PTPRT: variants seen among roughly 807,000 people sequenced by gnomAD.
PTPRT encodes the protein protein tyrosine phosphatase receptor type T.
A neutral mutation model predicts 176.8 loss-of-function variants in PTPRT; 56 were observed. The ratio of observed to expected loss-of-function variants is 0.32; its 90% confidence interval spans 0.26 to 0.40. PTPRT has a LOEUF of 0.40. Among genes scored for constraint, PTPRT ranks in the 10% least tolerant of loss-of-function variants. The probability of loss-of-function intolerance (pLI) is 1.00; values close to 1 mark genes in which losing one functional copy is unlikely to be tolerated. For missense variants in PTPRT, 1,540 were observed against 1,908.2 expected (o/e 0.81, Z 3.60); for synonymous variants, 783 against 739.0 (o/e 1.06, Z -0.96).
intron 12 of PTPRT, among the ~76,000 whole-genome samples, chr20:42,292,068 T>C (rs2057325049): frequency 6.6e-6 from 1 of 152,064 alleles, no homozygotes; most frequent in Non-Finnish European, 1.5e-5. Context: ...TCCCTACCTT[T>C]GGAAAGCATA....
At chr20:42,726,015 G>A (rs1360749137) in intron 6 of PTPRT, among the ~76,000 whole-genome samples, 1 of 151,568 alleles carries the variant, frequency 6.6e-6, no homozygotes, top group South Asian at 2.1e-4. Context: ...TGCTATGTGA[G>A]AGAATACATT....
intron 2 of PTPRT, among the ~76,000 whole-genome samples, chr20:42,795,893 A>C (rs2077446991): frequency 6.6e-6 from 1 of 152,242 alleles, no homozygotes; most frequent in Non-Finnish European, 1.5e-5. Context: ...ACGGTACTTA[A>C]TAAATGCTAA....
At chr20:42,981,858 T>C (rs751053851) in intron 1 of PTPRT, among the ~76,000 whole-genome samples, 14 of 152,214 alleles carry the variant, frequency 9.2e-5, no homozygotes, top group Non-Finnish European at 1.5e-4. Flanking sequence ...TTCTAATGGA[T>C]GGCTTTGGGT....
At chr20:42,744,432 T>C (rs1366323642) in intron 6 of PTPRT, among the ~76,000 whole-genome samples, 1 of 152,208 alleles carries the variant, frequency 6.6e-6, no homozygotes, top group Non-Finnish European at 1.5e-5. Context: ...AGCTTTCAGA[T>C]CGTACAGAAT....
intron 19 of PTPRT, 61 bp from the exon 20 acceptor site, chr20:42,120,032 T>A: frequency 1.4e-6 from 2 of 1,444,610 alleles, no homozygotes; most frequent in Non-Finnish European, 9.5e-7. Context: ...AACAGCACAA[T>A]ATTAATAAAC....
chr20:42,423,192 A>G (rs1458413523), intron 9 of PTPRT, among the ~76,000 whole-genome samples: 1 of 151,282 alleles, frequency 6.6e-6, no homozygotes, highest in Non-Finnish European at 1.5e-5. Context: ...AAAAAAAAAA[A>G]AAAAAAAAAG....
At chr20:42,698,186 G>A (rs2075913513) in intron 6 of PTPRT, among the ~76,000 whole-genome samples, 1 of 152,164 alleles carries the variant, frequency 6.6e-6, no homozygotes, top group Non-Finnish European at 1.5e-5. Context: ...AACAGCTAGT[G>A]TGTACTCAAG....
At chr20:43,134,468 G>A (rs2013759254) in intron 1 of PTPRT, among the ~76,000 whole-genome samples, 1 of 152,162 alleles carries the variant, frequency 6.6e-6, no homozygotes, top group South Asian at 2.1e-4. Context: ...TCTTAGGTCA[G>A]TTTAGCCAGA....
At chr20:42,204,225 C>T (rs1408671898) in intron 15 of PTPRT, among the ~76,000 whole-genome samples, 2 of 151,612 alleles carry the variant, frequency 1.3e-5, no homozygotes, top group East Asian at 1.9e-4. Flanking sequence ...GCAGAATTAA[C>T]AAAATATTCA....
At chr20:42,301,277 T>C (rs73257070) in intron 12 of PTPRT, among the ~76,000 whole-genome samples, 1,954 of 152,298 alleles carry the variant, frequency 0.013, 32 homozygotes, top group African/African-American at 0.046. Flanking sequence ...GTGGTATTCC[T>C]GACAAAAATG....
chr20:43,082,330 T>C (rs1399489401), intron 1 of PTPRT, among the ~76,000 whole-genome samples: 2 of 152,188 alleles, frequency 1.3e-5, no homozygotes, highest in Non-Finnish European at 2.9e-5. Context: ...ACTGAATATA[T>C]TATTTTCTTA....
intron 1 of PTPRT, among the ~76,000 whole-genome samples, chr20:43,116,021 G>A (rs1368785124): frequency 6.6e-6 from 1 of 152,066 alleles, no homozygotes; most frequent in Non-Finnish European, 1.5e-5. Context: ...CTTACCTTTG[G>A]GTAATGAGTT....
chr20:42,082,133 G>T, intron 29 of PTPRT, 116 bp from the exon 30 acceptor site: 2 of 1,443,566 alleles, frequency 1.4e-6, no homozygotes, highest in South Asian at 2.5e-5. Context: ...GCAAGGCAAG[G>T]CAATGGTGAA....
At chr20:42,214,495 A>G (rs1258313194) in intron 15 of PTPRT, among the ~76,000 whole-genome samples, 1 of 152,192 alleles carries the variant, frequency 6.6e-6, no homozygotes, top group Admixed American at 6.5e-5. Context: ...TGGCAAAGTT[A>G]CAGAAGCAAC....
intron 7 of PTPRT, among the ~76,000 whole-genome samples, chr20:42,620,797 G>T (rs2074179634): frequency 6.6e-6 from 1 of 152,130 alleles, no homozygotes; most frequent in African/African-American, 2.4e-5. Flanking sequence ...CCCTGCTTCG[G>T]CTTGCGCACG....
rs2074497864 is a variant in PTPRT at position 42,633,977 on chromosome 20, ATT to A, written c.1153+43887_1153+43888del. 5.8e-5 allele frequency among the ~76,000 whole-genome samples: 2 copies of A among 34,516 alleles called. 1 individual carries two copies. Among genetic ancestry groups the A allele is most frequent in the Non-Finnish European group, 9.8e-5 (2 of 20,336 alleles). 22.6% of individuals were successfully genotyped at this position (34,516 alleles called of 152,430 possible). A position where few individuals can be genotyped will look rare whatever the true frequency, so the allele number is the denominator to read the frequency against. On this transcript the variant is annotated intron_variant, in intron 7 of 30. Transcript: ENST00000373187. ...AATTATATATAATATATTATAATAT[ATT>A]ATATATTATATTATATATATTATAT...
intron 1 of PTPRT, among the ~76,000 whole-genome samples, chr20:43,076,255 A>T (rs1325761267): frequency 6.6e-6 from 1 of 152,092 alleles, no homozygotes; most frequent in East Asian, 1.9e-4. Context: ...CATGATTCCT[A>T]GTGTCCACTG....
At chr20:42,378,605 T>C (rs1471002840) in intron 9 of PTPRT, among the ~76,000 whole-genome samples, 2 of 152,330 alleles carry the variant, frequency 1.3e-5, no homozygotes, top group South Asian at 4.1e-4. Flanking sequence ...AGTGAGTATC[T>C]GTCGAATGAA....
chr20:43,148,763 G>A (rs1228870025), intron 1 of PTPRT, among the ~76,000 whole-genome samples: 1 of 152,106 alleles, frequency 6.6e-6, no homozygotes, highest in Non-Finnish European at 1.5e-5. Flanking sequence ...GTGTAGCACT[G>A]GTATAGGGTT....
Sources: allele counts gnomAD v4.1 joint callset (sites outside exome capture counted in the v4.1 genomes callset), GRCh38; gene constraint gnomAD v4.1.1; transcripts MANE v1.5; gene names NCBI Gene and HGNC (gene_info 2026-07-23, HGNC 2026-07-21).